AHRR: variants seen among roughly 807,000 people sequenced by gnomAD.
The protein encoded by AHRR is ahR repressor.
AHRR carries 28 observed loss-of-function variants against 44.0 expected under a neutral mutation model. The ratio of observed to expected loss-of-function variants is 0.64; its 90% CI spans 0.47 to 0.87. The LOEUF (loss-of-function observed/expected upper bound fraction) is 0.87. Among genes scored for constraint, AHRR ranks in the 40% least tolerant of loss-of-function variants. The probability of loss-of-function intolerance (pLI) is 0.00; values close to 1 mark genes in which losing one functional copy is unlikely to be tolerated. For synonymous variants in AHRR, 434 were observed against 407.0 expected (o/e 1.07, Z -0.80); for missense variants, 990 against 953.9 (o/e 1.04, Z -0.50).
At chr5:351,186 G>A (rs534249892) in intron 2 of AHRR, among the ~76,000 whole-genome samples, 2 of 152,328 alleles carry the variant, frequency 1.3e-5, no homozygotes, top group Admixed American at 1.3e-4. Flanking sequence ...ACCATGGAAA[G>A]CAGTTTGGTG....
In AHRR at chr5:387,752, G is replaced by A. The variant is rs954477716; in HGVS notation, c.351+11036G>A. 6.6e-6 allele frequency among the ~76,000 whole-genome samples: 1 copy of A among 152,260 alleles called. No individual in the cohort carries two copies. The highest frequency in any genetic ancestry group is 6.5e-5 in the Admixed American group (1 of 15,292). On this transcript the variant is annotated intron_variant, in intron 4 of 10. Coordinates refer to ENST00000684583, the MANE Select transcript of AHRR (RefSeq NM_001377236.1). The surrounding 1 kb of genome is among the most constrained non-coding windows in gnomAD (Gnocchi z 5.1). ...GTGTGTCCATACGCTGTACCTGCCG[G>A]AACTTGGCGACACCATGTCAGCTTC... is the stretch of plus-strand genomic sequence containing the variant.
Position 342,371 on chromosome 5 carries a change from G to C in AHRR, c.-10-1522G>C, listed in dbSNP as rs1470523586. ...GGTACATTTACCTTTAGGATTGTCA[G>C]ATCTTCTTGGAAAATTGACCTCTTT... On this transcript the variant is annotated intron_variant, in intron 1 of 10. Coordinates refer to ENST00000684583, the MANE Select transcript of AHRR (RefSeq NM_001377236.1). The surrounding 1 kb of genome is among the most constrained non-coding windows in gnomAD (Gnocchi z 4.3). Among the ~76,000 whole-genome samples the C allele has an allele frequency of 6.6e-6, 1 of 152,144 alleles. No individual in the cohort carries two copies. The highest frequency in any genetic ancestry group is 2.4e-5 in the African/African-American group (1 of 41,430).
At chr5:332,965 A>G (rs1318730120) in intron 1 of AHRR, among the ~76,000 whole-genome samples, 1 of 134,498 alleles carries the variant, frequency 7.4e-6, no homozygotes, top group African/African-American at 3.5e-5. Flanking sequence ...TTTGGCGTAA[A>G]GTCTGTTTTA....
intron 3 of AHRR, among the ~76,000 whole-genome samples, chr5:363,269 G>A (rs1743241612): frequency 6.6e-6 from 1 of 152,216 alleles, no homozygotes; most frequent in Non-Finnish European, 1.5e-5. Flanking sequence ...GCAGAGAGCT[G>A]GCACATGAGG....
At chr5:427,143 G>A (rs1333610551) in intron 7 of AHRR, among the ~76,000 whole-genome samples, 1 of 152,206 alleles carries the variant, frequency 6.6e-6, no homozygotes, top group East Asian at 1.9e-4. Context: ...TAAGGATAGA[G>A]GGTGGAGCCA....
At chr5:397,376 AG>A (rs1171752789) in intron 4 of AHRR, among the ~76,000 whole-genome samples, 1 of 128,582 alleles carries the variant, frequency 7.8e-6, no homozygotes, top group African/African-American at 2.8e-5. Context: ...CCATCCACGT[AG>A]CCCCTGACCA....
rs148023815 is a variant in AHRR at position 411,959 on chromosome 5, A to C, written c.352-1385A>C. On this transcript the variant is annotated intron_variant, in intron 4 of 10. Coordinates refer to ENST00000684583, the MANE Select transcript of AHRR (RefSeq NM_001377236.1). The surrounding 1 kb of genome is among the most constrained non-coding windows in gnomAD (Gnocchi z 4.2). ...CTCAGCGTCAGTGGCCATTGCTGCC[A>C]TGGACAGATCCTGCGACTCAGAGGC... Among the ~76,000 whole-genome samples the C allele has an allele frequency of 4.9e-4, 75 of 152,330 alleles. No homozygotes were observed. The East Asian group carries it at 0.013, about 26-fold the overall frequency.
chr5:337,136 G>C lies in AHRR; in HGVS notation c.-10-6757G>C, dbSNP rs567122415. ...ACTTTTGAAATATTTTACAAAAATAGAGAAAATTATACAAAGAGCTCAATT... is the reference window on the plus strand; with the variant it reads ...ACTTTTGAAATATTTTACAAAAATACAGAAAATTATACAAAGAGCTCAATT... On this transcript the variant is annotated intron_variant, in intron 1 of 10. Transcript: ENST00000684583. The surrounding 1 kb of genome is among the most constrained non-coding windows in gnomAD (Gnocchi z 4.1). Among the ~76,000 whole-genome samples, 20 of 151,928 alleles carry C rather than the reference G, an allele frequency of 1.3e-4. No homozygotes were observed. Among genetic ancestry groups the C allele is most frequent in the Admixed American group, 3.3e-4 (5 of 15,256 alleles).
chr5:344,502 G>GT (rs36188551), intron 2 of AHRR, among the ~76,000 whole-genome samples: 9 of 2,872 alleles, frequency 3.1e-3, no homozygotes, highest in Admixed American at 6.2e-3. Flanking sequence ...GTGTGTGTGT[G>GT]GGTGTGTGTG....
intron 8 of AHRR, among the ~76,000 whole-genome samples, chr5:428,228 G>T (rs1736560504): frequency 6.6e-6 from 1 of 152,218 alleles, no homozygotes; most frequent in East Asian, 1.9e-4. Flanking sequence ...TGCCTGTATC[G>T]ATTCATTCCT....
chr5:373,713 G>A (rs1743661714), intron 3 of AHRR, among the ~76,000 whole-genome samples: 1 of 151,492 alleles, frequency 6.6e-6, no homozygotes. Flanking sequence ...GGAGGGCGGG[G>A]GGACCTGGGG....
chr5:433,427 C>T (rs959294821), intron 10 of AHRR, among the ~76,000 whole-genome samples: 7 of 152,238 alleles, frequency 4.6e-5, no homozygotes, highest in Non-Finnish European at 1.0e-4. Context: ...AGTCCCAAGG[C>T]ACGTGGTGTC....
At chr5:420,863 GCCAC>G (rs773356895) in intron 5 of AHRR, 16 of 337,302 alleles carry the variant, frequency 4.7e-5, no homozygotes, top group Non-Finnish European at 4.6e-5. Flanking sequence ...CACGCACGCA[GCCAC>G]CCACCCACGC....
At position 434,244 on chromosome 5, in the gene AHRR, A is replaced by T; in HGVS notation, c.1504A>T (p.Thr502Ser). ...TCAGCCTGGAGCTCAGCGTTTTGCC[A>T]CGAGGGGCTATCCCATGGAGGACAT... ...LPQPGAQRFA[T>S]RGYPMEDMKL... The change falls in exon 11 of 11, where the codon ACG becomes TCG. Residue 502 changes from threonine to serine, a missense_variant. Thr to Ser is a moderately conservative substitution (Grantham distance 58). Transcript: ENST00000684583. The T allele has an allele frequency of 6.3e-7, 1 of 1,594,434 alleles. No individual in the cohort carries two copies.
At chr5:398,869 C>T (rs571313624) in intron 4 of AHRR, among the ~76,000 whole-genome samples, 6 of 152,290 alleles carry the variant, frequency 3.9e-5, no homozygotes, top group Admixed American at 1.3e-4. Flanking sequence ...CAGCCGCCCC[C>T]GTCTGTTCTG....
chr5:401,945 G>A (rs924093485), intron 4 of AHRR, among the ~76,000 whole-genome samples: 1 of 152,136 alleles, frequency 6.6e-6, no homozygotes, highest in Admixed American at 6.5e-5. Context: ...AGAGAAATAC[G>A]CAGACAGGCC....
chr5:405,539 A>C lies in AHRR; in HGVS notation c.352-7805A>C, dbSNP rs940157015. Among the ~76,000 whole-genome samples, 1 of 152,176 alleles carries C rather than the reference A, an allele frequency of 6.6e-6. No individual in the cohort carries two copies. Among genetic ancestry groups the C allele is most frequent in the Non-Finnish European group, 1.5e-5 (1 of 68,038 alleles). ...TTTGTGAGACTTGGGTTTCTTGCTC[A>C]GACGCTCAACACAGAGTTCAAATCC... On this transcript the variant is annotated intron_variant, in intron 4 of 10. Coordinates refer to ENST00000684583, the MANE Select transcript of AHRR (RefSeq NM_001377236.1). This position sits in a 1 kb window ranked among gnomAD's most constrained non-coding sequence, Gnocchi z 4.5.
intron 1 of AHRR, among the ~76,000 whole-genome samples, chr5:327,955 C>T (rs1410288294): frequency 6.6e-6 from 1 of 152,146 alleles, no homozygotes; most frequent in Non-Finnish European, 1.5e-5. Flanking sequence ...CTACAACAGT[C>T]CCCAGAGTGT....
intron 5 of AHRR, among the ~76,000 whole-genome samples, chr5:415,256 G>A (rs974561070): frequency 1.1e-4 from 17 of 152,228 alleles, no homozygotes; most frequent in Non-Finnish European, 1.2e-4. Context: ...CAGCATTCAC[G>A]CTGAGCCAGA....
Sources: gnomAD v4.1 joint callset for allele counts (sites outside exome capture counted in the v4.1 genomes callset) on GRCh38, gnomAD v4.1.1 for gene constraint, Gnocchi (gnomAD v3.1) non-coding constraint, MANE v1.5 for transcripts, NCBI Gene and HGNC (gene_info 2026-07-23, HGNC 2026-07-21) for gene names.